The following TRAPPC11 variants were observed in gnomAD, a reference collection of about 807,000 sequenced individuals.
The protein encoded by TRAPPC11 is trafficking protein particle complex subunit 11, also known as foie gras homolog.
TRAPPC11 carries 104 observed loss-of-function variants against 151.2 expected under a neutral mutation model. That is an observed-to-expected ratio of 0.69 (90% CI 0.59 to 0.81). The LOEUF is 0.81. TRAPPC11 is among the 30% of genes least tolerant of loss of function. The pLI is 0.00. For missense variants in TRAPPC11, 1,230 were observed against 1,349.6 expected, an observed-to-expected ratio of 0.91 and a Z score of 1.39; for synonymous variants, 456 against 472.3, an observed-to-expected ratio of 0.97 and a Z score of 0.45.
intron 7 of TRAPPC11, among the ~76,000 whole-genome samples, chr4:183,676,259 C>T (rs538329227): frequency 6.6e-6 from 1 of 151,982 alleles, no homozygotes; most frequent in African/African-American, 2.4e-5. Context: ...AAGTGATTCT[C>T]CTGTCTCAGC....
At chr4:183,680,481 A>G (rs1435705650) in intron 10 of TRAPPC11, among the ~76,000 whole-genome samples, 1 of 152,158 alleles carries the variant, frequency 6.6e-6, no homozygotes, top group Non-Finnish European at 1.5e-5. Flanking sequence ...TTGAAGAACT[A>G]ATTTTTGGCA....
At chr4:183,705,521 C>A (rs1171862418) in intron 27 of TRAPPC11, among the ~76,000 whole-genome samples, 2 of 152,096 alleles carry the variant, frequency 1.3e-5, no homozygotes, top group African/African-American at 2.4e-5. Context: ...CTACTACTCC[C>A]TCCCCCATAC....
At chr4:183,670,794 G>T (rs929552395) in intron 5 of TRAPPC11, among the ~76,000 whole-genome samples, 13 of 150,002 alleles carry the variant, frequency 8.7e-5, no homozygotes, top group African/African-American at 2.7e-4. Flanking sequence ...TTGGTTTTTG[G>T]TTTTTTTTTG....
At position 183,701,690 on chromosome 4, in the gene TRAPPC11, C is replaced by T. The variant is rs1198384055; in HGVS notation, c.2852-7C>T. ...TGCATAAGGAATATAAAGACTTTTC[C>T]CTGTAGTTATCTTACAGACTGGAGA... is the stretch of plus-strand genomic sequence containing the variant. On this transcript the variant is annotated splice_region_variant and splice_polypyrimidine_tract_variant and intron_variant, in intron 25 of 29. Coordinates refer to ENST00000334690, the MANE Select transcript of TRAPPC11 (RefSeq NM_021942.6). The T allele has an allele frequency of 6.3e-7, 1 of 1,593,784 alleles. No individual in the cohort carries two copies. The highest frequency in any genetic ancestry group is 8.6e-7 in the Non-Finnish European group (1 of 1,161,754).
intron 4 of TRAPPC11, 65 bp from the exon 5 acceptor site, chr4:183,667,938 T>C (rs970870685): frequency 9.2e-7 from 1 of 1,088,528 alleles, no homozygotes; most frequent in African/African-American, 1.6e-5. Context: ...CTTGGGGAAA[T>C]ATTTATTTGG....
rs1445518129 is a variant in TRAPPC11 at position 183,674,791 on chromosome 4, T to A, written c.639T>A (p.Phe213Leu). The A allele has an allele frequency of 6.3e-7, 1 of 1,594,088 alleles. No homozygotes were observed. The highest frequency in any genetic ancestry group is 1.4e-5 in the African/African-American group (1 of 73,668). ...EIRRVKSHKE[F>L]LNKTTHQLLF... ...GAAGAGTGAAATCTCATAAAGAATT[T>A]TTGAATAAAACAACACACCAGGTGC... The change falls in exon 6 of 30, where the codon TTT becomes TTA. Residue 213 changes from phenylalanine (F) to leucine (L), a missense_variant. By Grantham distance (22) the Phe-to-Leu change is conservative. Coordinates refer to ENST00000334690, the MANE Select transcript of TRAPPC11 (RefSeq NM_021942.6).
Position 183,705,069 on chromosome 4 carries a change from A to T in TRAPPC11, c.3054A>T (p.Ala1018=). 2 of 1,576,528 alleles carry T rather than the reference A, an allele frequency of 1.3e-6. No homozygotes were observed. The highest frequency in any genetic ancestry group is 1.7e-6 in the Non-Finnish European group (2 of 1,152,614). Residue 1018 remains alanine, a splice_region_variant and synonymous_variant, in exon 27 of 30, where the codon GCA becomes GCT. Transcript: ENST00000334690. ...AGAATATCCCTCTCCATGTGAATGC[A>T]GGTAGCGGAATTCAAATTTTACTTG... The part of the protein sequence containing the change: ...IVENIPLHVN[A]DLPSFGRVRE...
At chr4:183,667,876 T>C in intron 4 of TRAPPC11, 127 bp from the exon 5 acceptor site, 3 of 708,750 alleles carry the variant, frequency 4.2e-6, no homozygotes, top group Non-Finnish European at 7.5e-6. Flanking sequence ...GGAGTCCTGT[T>C]GGTGTGATGA....
Position 183,693,546 on chromosome 4 carries a change from C to T in TRAPPC11, c.2238-43C>T, listed in dbSNP as rs778343789. The T allele has an allele frequency of 1.9e-6, 3 of 1,539,776 alleles. No individual in the cohort carries two copies. In the East Asian group the frequency reaches 6.8e-5, roughly 35 times the overall value. ...ATACTTTATTTGAATAATTTATTTG[C>T]TTTTTTTTTGATCAGTTACTTAGCT... On this transcript the variant is annotated intron_variant, in intron 20 of 29. Coordinates refer to ENST00000334690, the MANE Select transcript of TRAPPC11 (RefSeq NM_021942.6).
intron 1 of TRAPPC11, among the ~76,000 whole-genome samples, chr4:183,660,850 A>C (rs35619714): frequency 9.2e-5 from 14 of 152,070 alleles, no homozygotes; most frequent in Non-Finnish European, 1.5e-4. Flanking sequence ...AGTAGCTGGG[A>C]CTATAGGCAC....
At chr4:183,683,707 T>C (rs1413126686) in intron 11 of TRAPPC11, 1 of 455,718 alleles carries the variant, frequency 2.2e-6, no homozygotes, top group East Asian at 4.0e-5. Flanking sequence ...GTGTATCCTC[T>C]ATAGAGGATG....
intron 28 of TRAPPC11, among the ~76,000 whole-genome samples, chr4:183,707,754 A>G (rs1323032508): frequency 6.6e-6 from 1 of 152,226 alleles, no homozygotes; most frequent in Admixed American, 6.5e-5. Context: ...TTTATAATAT[A>G]CAGTATTAAA....
At chr4:183,677,400 G>A in intron 7 of TRAPPC11, 58 bp from the exon 8 acceptor site, 2 of 949,020 alleles carry the variant, frequency 2.1e-6, no homozygotes, top group Non-Finnish European at 3.4e-6. Context: ...CTAGTGATTT[G>A]GTTCTTAGAA....
chr4:183,682,469 A>G (rs1000269077), intron 10 of TRAPPC11, among the ~76,000 whole-genome samples: 2 of 152,330 alleles, frequency 1.3e-5, no homozygotes, highest in Non-Finnish European at 1.5e-5. Context: ...CTGGTTTATT[A>G]GAGCAAAGAT....
rs138084981 is a variant in TRAPPC11 at position 183,665,206 on chromosome 4, T to C, written c.205-1051T>C. 1.7e-4 allele frequency among the ~76,000 whole-genome samples: 25 copies of C among 147,284 alleles called. No homozygotes were observed. The East Asian group carries it at 3.7e-3, about 22-fold the overall frequency. ...GCCTCCTGGGTTCGTGCCATTCTCC[T>C]GCTTCAGCCTCCCGAGTGGCTGGGA... is the stretch of plus-strand genomic sequence containing the variant. On this transcript the variant is annotated intron_variant, in intron 2 of 29. Coordinates refer to ENST00000334690, the MANE Select transcript of TRAPPC11 (RefSeq NM_021942.6).
chr4:183,706,290 A>G (rs1432541413), intron 27 of TRAPPC11, among the ~76,000 whole-genome samples: 5 of 152,158 alleles, frequency 3.3e-5, no homozygotes, highest in East Asian at 1.9e-4. Flanking sequence ...TTGGGAGGCC[A>G]AGGTGGGTGG....
In TRAPPC11 at chr4:183,682,810, C is replaced by T. The variant is rs140403642; in HGVS notation, c.1192C>T (p.Arg398Ter). The T allele has an allele frequency of 6.3e-5, 102 of 1,611,786 alleles. No homozygotes were observed. Among genetic ancestry groups the T allele is most frequent in the Non-Finnish European group, 8.1e-5 (95 of 1,178,166 alleles). ...TGACTTTTATGGACAAAGATCATGGCGACAAGGAATACTAAGTAAATAATT... is the reference window on the plus strand; with the variant it reads ...TGACTTTTATGGACAAAGATCATGGTGACAAGGAATACTAAGTAAATAATT... ...VLDFYGQRSW[R>*]QGILSFDLSD... Residue 398 changes from arginine to a stop codon, truncating the protein, a stop_gained, in exon 11 of 30, where the codon CGA becomes TGA. Transcript: ENST00000334690. LOFTEE classifies it high-confidence loss of function.
At position 183,712,664 on chromosome 4, in the gene TRAPPC11, G is replaced by A; in HGVS notation, c.*20G>A. ...GCATGATGTTCAAGACCGGCCCTTG[G>A]CTGTTGTTACAGAGATGTTGGGCAG... On this transcript the variant is annotated 3_prime_UTR_variant, in exon 30 of 30. Coordinates refer to ENST00000334690, the MANE Select transcript of TRAPPC11 (RefSeq NM_021942.6). 6.2e-7 allele frequency: 1 copy of A among 1,613,792 alleles called. No individual in the cohort carries two copies. The highest frequency in any genetic ancestry group is 1.1e-5 in the South Asian group (1 of 91,070).
intron 6 of TRAPPC11, 88 bp downstream of exon 6, chr4:183,674,900 T>A: frequency 1.3e-6 from 1 of 785,738 alleles, no homozygotes; most frequent in Non-Finnish European, 2.0e-6. Context: ...AATACTTTAA[T>A]GTTTTAAATG....
Sources: allele counts gnomAD v4.1 joint callset (sites outside exome capture counted in the v4.1 genomes callset), GRCh38; gene constraint gnomAD v4.1.1; transcripts MANE v1.5; gene names NCBI Gene and HGNC (gene_info 2026-07-23, HGNC 2026-07-21).